Variants in ENOX1 observed in about 807,000 individuals in gnomAD.
ENOX1 encodes candidate growth-related and time keeping constitutive hydroquinone (NADH) oxidase.
Under a neutral mutation model 82.5 loss-of-function variants are expected in ENOX1, and 42 were observed. The ratio of observed to expected loss-of-function variants is 0.51; its 90% confidence interval spans 0.40 to 0.66. The LOEUF is 0.66. Among genes scored for constraint, ENOX1 ranks in the 30% least tolerant of loss-of-function variants. ENOX1 has a pLI of 0.00. For synonymous variants in ENOX1, 271 were observed against 282.2 expected (o/e 0.96, Z 0.40); for missense variants, 608 against 811.6 (o/e 0.75, Z 3.05).
intron 2 of ENOX1, among the ~76,000 whole-genome samples, chr13:43,575,828 G>T (rs531316262): frequency 1.8e-4 from 27 of 152,296 alleles, no homozygotes; most frequent in South Asian, 8.3e-4. Context: ...AACACAAGTG[G>T]CCTGACAGTC....
intron 2 of ENOX1, among the ~76,000 whole-genome samples, chr13:43,663,780 A>G (rs565328726): frequency 6.6e-5 from 10 of 152,316 alleles, no homozygotes; most frequent in African/African-American, 2.4e-4. Flanking sequence ...ATTTAAAAAA[A>G]GGAAAGTAAA....
chr13:43,655,576 C>A (rs1203652135), intron 2 of ENOX1, among the ~76,000 whole-genome samples: 1 of 152,158 alleles, frequency 6.6e-6, no homozygotes, highest in African/African-American at 2.4e-5. Context: ...AATCATCTAC[C>A]CGAATGTCAT....
At chr13:43,269,291 C>T (rs567646352) in intron 13 of ENOX1, among the ~76,000 whole-genome samples, 179 bp downstream of exon 13, 4 of 152,280 alleles carry the variant, frequency 2.6e-5, no homozygotes, top group African/African-American at 4.8e-5. Flanking sequence ...GTGAGGATAG[C>T]GATGCTGGGA....
intron 1 of ENOX1, among the ~76,000 whole-genome samples, chr13:43,741,247 G>C (rs1330091662): frequency 6.6e-6 from 1 of 152,052 alleles, no homozygotes; most frequent in Non-Finnish European, 1.5e-5. Flanking sequence ...ACCACGCCTG[G>C]CTAAATTTTG....
rs1428083185 is a variant in ENOX1 at position 43,576,824 on chromosome 13, C to A, written c.-219+90655G>T. 9.2e-5 allele frequency among the ~76,000 whole-genome samples: 14 copies of A among 152,142 alleles called. 1 individual carries two copies. Among genetic ancestry groups the A allele is most frequent in the Admixed American group, 9.2e-4 (14 of 15,276 alleles). ...GGTTAGATTATAAACTCCATGAGGGCAGGAAAATGTCTGTTTTCTCAGCTG... is the reference window on the plus strand; with the variant it reads ...GGTTAGATTATAAACTCCATGAGGGAAGGAAAATGTCTGTTTTCTCAGCTG... On this transcript the variant is annotated intron_variant, in intron 2 of 16. Coordinates refer to ENST00000690772, the MANE Select transcript of ENOX1 (RefSeq NM_001347969.2).
At chr13:43,729,751 T>TA (rs1355586037) in intron 1 of ENOX1, among the ~76,000 whole-genome samples, 2 of 152,200 alleles carry the variant, frequency 1.3e-5, no homozygotes, top group Non-Finnish European at 2.9e-5. Context: ...CTGAAAACAA[T>TA]AATGCCTCTC....
intron 2 of ENOX1, among the ~76,000 whole-genome samples, chr13:43,571,057 G>A (rs1267691797): frequency 6.6e-6 from 1 of 152,104 alleles, no homozygotes; most frequent in Admixed American, 6.6e-5. Flanking sequence ...GAGTTTGGGA[G>A]AAGAAATTGA....
At chr13:43,425,240 G>T (rs182768399) in intron 3 of ENOX1, among the ~76,000 whole-genome samples, 1 of 152,114 alleles carries the variant, frequency 6.6e-6, no homozygotes, top group Non-Finnish European at 1.5e-5. Flanking sequence ...ATCTCAGCAG[G>T]CCCTCATAAC....
At chr13:43,456,739 A>G (rs1371275021) in intron 3 of ENOX1, among the ~76,000 whole-genome samples, 2 of 152,118 alleles carry the variant, frequency 1.3e-5, no homozygotes, top group Non-Finnish European at 2.9e-5. Flanking sequence ...TACCTCACAT[A>G]GGGTTGGGGA....
rs12862143 is a variant in ENOX1 at position 43,616,146 on chromosome 13, C to A, written c.-219+51333G>T. ...TATAGATATCTATCTATCTAGATATCTATATAGATAGATATCTATCTATCT... is the reference window on the plus strand; with the variant it reads ...TATAGATATCTATCTATCTAGATATATATATAGATAGATATCTATCTATCT... On this transcript the variant is annotated intron_variant, in intron 2 of 16. Coordinates refer to ENST00000690772, the MANE Select transcript of ENOX1 (RefSeq NM_001347969.2). Among the ~76,000 whole-genome samples, 49 of 55,074 alleles carry A rather than the reference C, an allele frequency of 8.9e-4. 6 individuals are homozygous for A. The highest frequency in any genetic ancestry group is 2.8e-3 in the African/African-American group (43 of 15,538). 36.1% of individuals were successfully genotyped at this position (55,074 alleles called of 152,430 possible). A position where few individuals can be genotyped will look rare whatever the true frequency, so the allele number is the denominator to read the frequency against.
intron 1 of ENOX1, among the ~76,000 whole-genome samples, chr13:43,756,659 C>G (rs1283989324): frequency 2.0e-5 from 3 of 152,078 alleles, no homozygotes; most frequent in Non-Finnish European, 4.4e-5. Context: ...TTATTCCTCT[C>G]TTTTATCTCC....
chr13:43,587,182 C>A (rs935615236), intron 2 of ENOX1, among the ~76,000 whole-genome samples: 2 of 152,152 alleles, frequency 1.3e-5, no homozygotes, highest in African/African-American at 4.8e-5. Context: ...GTAAGAAGCA[C>A]TTGTCAGTCT....
At chr13:43,668,754 T>C (rs79123510) in intron 1 of ENOX1, among the ~76,000 whole-genome samples, 1,555 of 152,188 alleles carry the variant, frequency 0.01, 41 homozygotes, top group East Asian at 0.064. Context: ...GGTACACACT[T>C]AGAAAGTACC....
At chr13:43,783,166 T>C (rs1034506928) in intron 1 of ENOX1, among the ~76,000 whole-genome samples, 2 of 152,300 alleles carry the variant, frequency 1.3e-5, no homozygotes, top group East Asian at 1.9e-4. Context: ...CCCAAAGCTA[T>C]AGACAACTAC....
intron 3 of ENOX1, among the ~76,000 whole-genome samples, chr13:43,456,729 T>G (rs1438173018): frequency 1.3e-5 from 2 of 152,206 alleles, no homozygotes; most frequent in African/African-American, 4.8e-5. Context: ...CTATCCCTGA[T>G]ACCTCACATA....
intron 1 of ENOX1, among the ~76,000 whole-genome samples, chr13:43,674,355 G>A (rs891654770): frequency 6.6e-6 from 1 of 152,138 alleles, no homozygotes; most frequent in Non-Finnish European, 1.5e-5. Flanking sequence ...AGGGTGATGA[G>A]AGGCTAGAAA....
chr13:43,461,171 T>C (rs930236069), intron 3 of ENOX1, among the ~76,000 whole-genome samples: 3 of 152,240 alleles, frequency 2.0e-5, no homozygotes, highest in Non-Finnish European at 4.4e-5. Context: ...CCAATTCTCA[T>C]GTAAGTCAGA....
At chr13:43,630,925 G>A (rs2083187092) in intron 2 of ENOX1, among the ~76,000 whole-genome samples, 2 of 128,320 alleles carry the variant, frequency 1.6e-5, no homozygotes, top group African/African-American at 5.0e-5. Flanking sequence ...GTATATGTGT[G>A]TGTGTGTTTG....
intron 1 of ENOX1, among the ~76,000 whole-genome samples, chr13:43,729,945 A>C (rs1177435644): frequency 1.3e-5 from 2 of 152,148 alleles, no homozygotes; most frequent in Non-Finnish European, 2.9e-5. Context: ...TGTGGGGGAC[A>C]TCTCCTCTGC....
Sources: gnomAD v4.1 joint callset for allele counts (sites outside exome capture counted in the v4.1 genomes callset) on GRCh38, gnomAD v4.1.1 for gene constraint, MANE v1.5 for transcripts, NCBI Gene and HGNC (gene_info 2026-07-23, HGNC 2026-07-21) for gene names.